The following SYNPO variants were observed in gnomAD, a reference collection of about 807,000 sequenced individuals.
The protein encoded by SYNPO is synaptopodin.
A neutral mutation model predicts 49.5 loss-of-function variants in SYNPO; 19 were observed. The ratio of observed to expected loss-of-function variants is 0.38; its 90% CI spans 0.27 to 0.56. The LOEUF (loss-of-function observed/expected upper bound fraction) is 0.56. Ranked by LOEUF, SYNPO falls within the 20% of genes least tolerant of loss-of-function variation. SYNPO has a pLI of 0.68. For missense variants in SYNPO, 1,131 were observed against 1,248.3 expected (o/e 0.91, Z 1.42); for synonymous variants, 536 against 548.0 (o/e 0.98, Z 0.31).
chr5:150,590,895 C>T, the SYNPO span, among the ~76,000 whole-genome samples: 20 of 152,272 alleles, frequency 1.3e-4, 1 homozygote, highest in East Asian at 3.9e-3. Context: ...GCTATACCTC[C>T]CCGTCCTCAG....
rs777147061 is a variant in SYNPO, at chr5:150,650,288, C to G, written c.2013C>G (p.Ala671=). 6.2e-7 allele frequency: 1 copy of G among 1,614,134 alleles called. No homozygotes were observed. Among genetic ancestry groups the G allele is most frequent in the African/African-American group, 1.3e-5 (1 of 75,054 alleles). Residue 671 remains alanine, a synonymous_variant, in exon 2 of 3, where the codon GCC becomes GCG. Transcript: ENST00000307662. The part of the protein sequence containing the change: ...APRPSFSTRN[A]GIEAQDRRES... ...GGCCCTCCTTCTCTACCCGGAACGC[C>G]GGGATCGAGGCTCAGGTGTGGAAGC...
chr5:150,595,922 C>T, the SYNPO span, among the ~76,000 whole-genome samples: 1 of 151,904 alleles, frequency 6.6e-6, no homozygotes, highest in Non-Finnish European at 1.5e-5. Flanking sequence ...AGGTATGTGG[C>T]CCAGCGGCTC....
Position 150,640,814 on chromosome 5 carries a change from G to A in SYNPO, c.-373G>A. The A allele has an allele frequency of 1.0e-6, 1 of 985,630 alleles. No homozygotes were observed. Among genetic ancestry groups the A allele is most frequent in the Non-Finnish European group, 1.2e-6 (1 of 829,960 alleles). 61.1% of individuals were successfully genotyped at this position (985,630 alleles called of 1,614,324 possible). On this transcript the variant is annotated 5_prime_UTR_variant, in exon 1 of 3. Coordinates refer to ENST00000307662, the MANE Select transcript of SYNPO (RefSeq NM_007286.6). The stretch of plus-strand genomic sequence containing the variant: ...AACCAAGGCTTGAAGGCCGGCAGGA[G>A]CATCCAGGGGGAAGCTTGGCTTCAG...
At chr5:150,595,028 T>G in the SYNPO span, among the ~76,000 whole-genome samples, 1 of 152,204 alleles carries the variant, frequency 6.6e-6, no homozygotes, top group African/African-American at 2.4e-5. Context: ...TGGATTTCCA[T>G]GTAGGAAATA....
At chr5:150,650,353 A>G in intron 2 of SYNPO, 50 bp downstream of exon 2, 1 of 1,611,290 alleles carries the variant, frequency 6.2e-7, no homozygotes, top group South Asian at 1.1e-5. Context: ...CGGGGGTCCC[A>G]CTGCCGGTCA....
At chr5:150,612,343 T>C (rs554094585) in intron 1 of SYNPO, among the ~76,000 whole-genome samples, 25 of 152,318 alleles carry the variant, frequency 1.6e-4, no homozygotes, top group African/African-American at 6.0e-4. Context: ...CCCACATGTA[T>C]TGTTTCATTT....
intron 1 of SYNPO, among the ~76,000 whole-genome samples, chr5:150,616,579 TC>T (rs1161822245): frequency 1.3e-5 from 2 of 152,238 alleles, no homozygotes; most frequent in Admixed American, 1.3e-4. Flanking sequence ...CCTGGAATTC[TC>T]CCCTGTTCTC....
At chr5:150,610,034 C>G (rs906804606) in intron 1 of SYNPO, among the ~76,000 whole-genome samples, 3 of 152,238 alleles carry the variant, frequency 2.0e-5, no homozygotes, top group Non-Finnish European at 2.9e-5. Flanking sequence ...GAAGCTGGTT[C>G]CCTGGCCCAT....
chr5:150,619,397 G>A (rs10068820), intron 2 of SYNPO, among the ~76,000 whole-genome samples: 16,030 of 152,088 alleles, frequency 0.11, 2,010 homozygotes, highest in African/African-American at 0.29. Flanking sequence ...TTTGTTAGAG[G>A]TGACAAGGGC....
chr5:150,642,496 C>G (rs1378804938), intron 1 of SYNPO, among the ~76,000 whole-genome samples: 1 of 152,240 alleles, frequency 6.6e-6, no homozygotes, highest in Non-Finnish European at 1.5e-5. Context: ...TACCTGTCCC[C>G]TGTAGCCTTT....
chr5:150,629,017 T>G (rs1183793236), intron 2 of SYNPO, among the ~76,000 whole-genome samples: 9 of 152,110 alleles, frequency 5.9e-5, no homozygotes, highest in Admixed American at 1.3e-4. Context: ...TTTTTGTTTG[T>G]TTGGTTGGGT....
At chr5:150,631,149 A>G (rs948856193) in intron 2 of SYNPO, among the ~76,000 whole-genome samples, 1 of 152,200 alleles carries the variant, frequency 6.6e-6, no homozygotes, top group Admixed American at 6.5e-5. Flanking sequence ...TCTTTTACTT[A>G]GTCAACAAAT....
At chr5:150,613,722 C>T (rs886544853) in intron 1 of SYNPO, among the ~76,000 whole-genome samples, 3 of 152,300 alleles carry the variant, frequency 2.0e-5, no homozygotes, top group East Asian at 3.9e-4. Context: ...TCTAGTCTTC[C>T]TGGGCTGCTT....
Position 150,648,194 on chromosome 5 carries a change from G to A in SYNPO, c.-82G>A. The A allele has an allele frequency of 6.3e-7, 1 of 1,587,084 alleles. No homozygotes were observed. The highest frequency in any genetic ancestry group is 8.6e-7 in the Non-Finnish European group (1 of 1,166,236). ...CAGGCCATGCACCGGGGCTCAGCCTGAGTTCCACCTCGCTGCCGGAGCCAG... is the reference window on the plus strand; with the variant it reads ...CAGGCCATGCACCGGGGCTCAGCCTAAGTTCCACCTCGCTGCCGGAGCCAG... On this transcript the variant is annotated 5_prime_UTR_variant, in exon 2 of 3. The change abolishes the stop of an existing upstream ORF in the 5' untranslated region. Transcript: ENST00000307662. The surrounding 1 kb of genome is among the most constrained non-coding windows in gnomAD (Gnocchi z 5.0).
chr5:150,620,938 TTTCTTTC>T (rs1171425147), intron 2 of SYNPO, among the ~76,000 whole-genome samples: 2 of 136,548 alleles, frequency 1.5e-5, no homozygotes. Context: ...TCTTTCTTTC[TTTCTTTC>T]TTTTCTTTTC....
chr5:150,655,256 G>A (rs1236705648), intron 2 of SYNPO, among the ~76,000 whole-genome samples: 2 of 152,190 alleles, frequency 1.3e-5, no homozygotes, highest in African/African-American at 2.4e-5. Flanking sequence ...CCCTGCCCCA[G>A]CCTACTCTCT....
chr5:150,594,334 T>A, the SYNPO span, among the ~76,000 whole-genome samples: 3 of 152,156 alleles, frequency 2.0e-5, no homozygotes, highest in Admixed American at 2.0e-4. Context: ...TTTCTCCCCA[T>A]CCCTGCCTTG....
the SYNPO span, among the ~76,000 whole-genome samples, chr5:150,590,604 T>C: frequency 6.6e-6 from 1 of 152,184 alleles, no homozygotes; most frequent in Non-Finnish European, 1.5e-5. Context: ...AGGGTGGCGC[T>C]TGTGTGGGCT....
chr5:150,607,568 T>C (rs1243412596), intron 1 of SYNPO, among the ~76,000 whole-genome samples: 1 of 152,202 alleles, frequency 6.6e-6, no homozygotes, highest in Non-Finnish European at 1.5e-5. Context: ...AGGTAGGTAC[T>C]ATTATTATTC....
Sources: allele counts gnomAD v4.1 joint callset (sites outside exome capture counted in the v4.1 genomes callset), GRCh38; gene constraint gnomAD v4.1.1; non-coding constraint Gnocchi (gnomAD v3.1); transcripts MANE v1.5; gene names NCBI Gene and HGNC (gene_info 2026-07-23, HGNC 2026-07-21).